Variants in LOXHD1 observed in about 807,000 individuals in gnomAD.
LOXHD1 encodes the protein lipoxygenase homology PLAT domains 1, also known as lipoxygenase homology domain-containing protein 1.
LOXHD1 carries 205 observed loss-of-function variants against 248.2 expected under a neutral mutation model. That is an observed-to-expected ratio of 0.83 (90% CI 0.74 to 0.93). The LOEUF (loss-of-function observed/expected upper bound fraction) is 0.93, where lower values mean the gene tolerates loss of function less well. Among genes scored for constraint, LOXHD1 ranks in the 40% least tolerant of loss-of-function variants. LOXHD1 has a pLI of 0.00. For synonymous variants in LOXHD1, 1,113 were observed against 1,162.8 expected, an observed-to-expected ratio of 0.96 and a Z score of 0.87; for missense variants, 2,930 against 2,971.6, an observed-to-expected ratio of 0.99 and a Z score of 0.33.
chr18:46,604,310 A>T (rs528642159), intron 6 of LOXHD1, 81 bp from the exon 7 acceptor site: 4 of 1,508,116 alleles, frequency 2.7e-6, no homozygotes, highest in Non-Finnish European at 3.6e-6. Flanking sequence ...TCTTCCAATC[A>T]CTTGAGTCTA....
chr18:46,621,751 C>A (rs950842960), intron 4 of LOXHD1, among the ~76,000 whole-genome samples: 10 of 152,198 alleles, frequency 6.6e-5, no homozygotes, highest in African/African-American at 2.4e-4. Flanking sequence ...AAAAAAAAAT[C>A]CCTGCCCAAA....
chr18:46,561,191 G>C (rs2037523642), intron 18 of LOXHD1, among the ~76,000 whole-genome samples: 1 of 152,160 alleles, frequency 6.6e-6, no homozygotes, highest in Non-Finnish European at 1.5e-5. Flanking sequence ...GAGCAGAGAG[G>C]GGGTCCAGGG....
intron 14 of LOXHD1, among the ~76,000 whole-genome samples, 182 bp from the exon 15 acceptor site, chr18:46,572,344 G>A (rs1020180865): frequency 6.0e-4 from 92 of 152,324 alleles, no homozygotes; most frequent in Non-Finnish European, 2.6e-4. Context: ...ACTTCCCGGA[G>A]GCAGTGGTGT....
At chr18:46,530,083 G>A (rs182846408) in intron 28 of LOXHD1, among the ~76,000 whole-genome samples, 6 of 152,298 alleles carry the variant, frequency 3.9e-5, no homozygotes, top group African/African-American at 9.6e-5. Flanking sequence ...GGAGACTCAA[G>A]TCTTGCATTT....
intron 28 of LOXHD1, among the ~76,000 whole-genome samples, chr18:46,529,821 G>C (rs1053987488): frequency 1.3e-5 from 2 of 151,930 alleles, no homozygotes; most frequent in Admixed American, 1.3e-4. Context: ...ATTTCCTCAC[G>C]TTCATTTATT....
chr18:46,495,366 C>T (rs1012627378), intron 37 of LOXHD1, among the ~76,000 whole-genome samples: 1 of 152,132 alleles, frequency 6.6e-6, no homozygotes, highest in Non-Finnish European at 1.5e-5. Context: ...TTATGGTAAT[C>T]AAATAGCCTG....
chr18:46,611,655 A>G (rs879252284), intron 5 of LOXHD1, among the ~76,000 whole-genome samples: 3 of 152,248 alleles, frequency 2.0e-5, no homozygotes, highest in Admixed American at 2.0e-4. Context: ...TTAGGTTGTG[A>G]CAGTTCAAAC....
intron 21 of LOXHD1, among the ~76,000 whole-genome samples, chr18:46,552,827 C>T (rs552924400): frequency 6.6e-6 from 1 of 152,290 alleles, no homozygotes; most frequent in South Asian, 2.1e-4. Flanking sequence ...TCCGTTTTTC[C>T]TGTTTCCCAC....
intron 8 of LOXHD1, among the ~76,000 whole-genome samples, chr18:46,600,372 G>A (rs2144276818): frequency 6.6e-6 from 1 of 152,286 alleles, no homozygotes; most frequent in South Asian, 2.1e-4. Context: ...GCCGAGGCAG[G>A]CAGAACACCT....
In LOXHD1 at chr18:46,657,008, C is replaced by G; in HGVS notation, c.26G>C (p.Arg9Thr). Reference sequence around the variant, plus strand: ...GGCCAGGAAGTCGATGTCCTTCTTCCTCCGCCTTTTCTTCTGGGGCATCAT... The same window carrying G: ...GGCCAGGAAGTCGATGTCCTTCTTCGTCCGCCTTTTCTTCTGGGGCATCAT... MMPQKKRR[R>T]KKDIDFLALY... is the part of the protein sequence containing the mutation. Residue 9 changes from arginine (R) to threonine (T), a missense_variant, in exon 1 of 41, where the codon AGG becomes ACG. Arg to Thr is a moderately conservative substitution (Grantham distance 71). Coordinates refer to ENST00000642948, the MANE Select transcript of LOXHD1 (RefSeq NM_001384474.1). 1.9e-6 allele frequency: 3 copies of G among 1,551,702 alleles called. No homozygotes were observed. The highest frequency in any genetic ancestry group is 2.6e-6 in the Non-Finnish European group (3 of 1,146,962).
intron 2 of LOXHD1, among the ~76,000 whole-genome samples, chr18:46,646,454 A>G (rs1306094279): frequency 6.6e-6 from 1 of 152,108 alleles, no homozygotes; most frequent in Non-Finnish European, 1.5e-5. Flanking sequence ...GCCTTTTCTC[A>G]GTTCTTGTCA....
chr18:46,489,709 GGCCACACA>G (rs2033328859), intron 37 of LOXHD1, among the ~76,000 whole-genome samples: 1 of 152,114 alleles, frequency 6.6e-6, no homozygotes, highest in Non-Finnish European at 1.5e-5. Flanking sequence ...CATCTGCCGT[GGCCACACA>G]CTGTCCACCT....
rs375551650 is a variant in LOXHD1, at chr18:46,536,445, A to G, written c.4095+1711T>C. 2.0e-5 allele frequency among the ~76,000 whole-genome samples: 3 copies of G among 152,246 alleles called. No homozygotes were observed. In the East Asian group the frequency reaches 5.8e-4, roughly 29 times the overall value. ...TGGGCAGAGAGACAGAGGCCAGGAG[A>G]CAAAGCCCTTTCATTTGTTTCCCAG... On this transcript the variant is annotated intron_variant, in intron 26 of 40. Transcript: ENST00000642948.
chr18:46,522,762 C>A (rs74837425), intron 31 of LOXHD1, among the ~76,000 whole-genome samples: 10,779 of 152,190 alleles, frequency 0.071, 511 homozygotes, highest in Non-Finnish European at 0.1. Context: ...ATCATATATG[C>A]CACATAGTGA....
intron 32 of LOXHD1, 48 bp downstream of exon 32, chr18:46,522,053 G>A (rs1447978343): frequency 3.5e-6 from 5 of 1,423,672 alleles, no homozygotes; most frequent in Admixed American, 2.0e-5. Flanking sequence ...GGTCAGCTCT[G>A]TCTATCCCTA....
chr18:46,598,410 T>A (rs375091), intron 8 of LOXHD1, among the ~76,000 whole-genome samples: 120,324 of 151,430 alleles, frequency 0.79, 48,303 homozygotes, highest in Non-Finnish European at 0.86. Flanking sequence ...CAAAATAAAG[T>A]TATCTACTAT....
Position 46,649,182 on chromosome 18 carries a change from A to G in LOXHD1, c.218T>C (p.Leu73Pro). The change falls in exon 2 of 41, where the codon CTC becomes CCC. Residue 73 changes from leucine to proline, a missense_variant. Transcript: ENST00000642948. Reference protein sequence around the residue: ...VFITLFGENGLSPKLQLTSKS... With the variant: ...VFITLFGENGPSPKLQLTSKS... ...GCTGGTGAGCTGGAGCTTGGGAGAG[A>G]GCCCATTCTCTCCAAAAAGCGTGAT... 6.4e-7 allele frequency: 1 copy of G among 1,551,694 alleles called. No individual in the cohort carries two copies. The highest frequency in any genetic ancestry group is 2.4e-5 in the East Asian group (1 of 40,910).
At chr18:46,642,350 C>G (rs2038973436) in intron 2 of LOXHD1, among the ~76,000 whole-genome samples, 1 of 152,246 alleles carries the variant, frequency 6.6e-6, no homozygotes, top group Non-Finnish European at 1.5e-5. Context: ...CAGAACCTGG[C>G]TCTCCCAGTC....
intron 37 of LOXHD1, among the ~76,000 whole-genome samples, chr18:46,499,136 A>C (rs374239129): frequency 1.3e-5 from 2 of 152,378 alleles, no homozygotes; most frequent in South Asian, 2.1e-4. Context: ...GAGACTCAAA[A>C]GTCTGCCAAT....
Sources: allele counts gnomAD v4.1 joint callset (sites outside exome capture counted in the v4.1 genomes callset), GRCh38; gene constraint gnomAD v4.1.1; transcripts MANE v1.5; gene names NCBI Gene and HGNC (gene_info 2026-07-23, HGNC 2026-07-21).